PTPRN2: variants seen among roughly 807,000 people sequenced by gnomAD.
PTPRN2 encodes the protein protein tyrosine phosphatase receptor type N2, also known as receptor-type tyrosine-protein phosphatase N2.
PTPRN2 carries 74 observed loss-of-function variants against 118.8 expected under a neutral mutation model. The observed-to-expected ratio is 0.62, with a 90% CI of 0.52 to 0.76. The LOEUF is 0.76. PTPRN2 is among the 30% of genes least tolerant of loss of function. PTPRN2 has a pLI of 0.00. For missense variants in PTPRN2, 1,481 were observed against 1,394.4 expected, an observed-to-expected ratio of 1.06 and a Z score of -0.99; for synonymous variants, 641 against 608.0, an observed-to-expected ratio of 1.05 and a Z score of -0.80.
At chr7:158,559,548 C>T (rs866181383) in intron 1 of PTPRN2, among the ~76,000 whole-genome samples, 2 of 152,224 alleles carry the variant, frequency 1.3e-5, no homozygotes, top group Admixed American at 6.5e-5. Flanking sequence ...AGGCTGTTCA[C>T]TCAGCCTGAG....
intron 1 of PTPRN2, among the ~76,000 whole-genome samples, chr7:158,547,376 C>G (rs1338798297): frequency 6.6e-6 from 1 of 151,752 alleles, no homozygotes; most frequent in Non-Finnish European, 1.5e-5. Flanking sequence ...CCCCTGGCAC[C>G]CCCAATCCTA....
chr7:157,844,460 G>A (rs909148314), intron 12 of PTPRN2, among the ~76,000 whole-genome samples: 14 of 152,158 alleles, frequency 9.2e-5, no homozygotes, highest in Non-Finnish European at 2.1e-4. Context: ...GGAAGAAACC[G>A]GACATCTGGG....
intron 12 of PTPRN2, among the ~76,000 whole-genome samples, chr7:157,714,703 G>A (rs925432137): frequency 4.6e-5 from 7 of 152,070 alleles, no homozygotes; most frequent in Non-Finnish European, 8.8e-5. Flanking sequence ...CCAGTCCGAC[G>A]TGCTTCTCCT....
rs542876616 is a variant in PTPRN2 at position 157,948,933 on chromosome 7, G to A, written c.1724-50196C>T. 1.6e-4 allele frequency among the ~76,000 whole-genome samples: 25 copies of A among 152,172 alleles called. No homozygotes were observed. The South Asian group carries it at 2.9e-3, about 18-fold the overall frequency. On this transcript the variant is annotated intron_variant, in intron 11 of 22. Coordinates refer to ENST00000389418, the MANE Select transcript of PTPRN2 (RefSeq NM_002847.5). The stretch of plus-strand genomic sequence containing the variant: ...AATGTGAATTGAAAATATAGTACTC[G>A]TGGGATTCAAAACCCATGTATACGG...
chr7:158,420,696 C>T (rs1188052833), intron 2 of PTPRN2, among the ~76,000 whole-genome samples: 1 of 152,186 alleles, frequency 6.6e-6, no homozygotes, highest in East Asian at 1.9e-4. Context: ...TAGTGGGCTT[C>T]CCAGAAGATA....
At chr7:158,279,864 G>T (rs1799295002) in intron 3 of PTPRN2, among the ~76,000 whole-genome samples, 1 of 152,122 alleles carries the variant, frequency 6.6e-6, no homozygotes, top group African/African-American at 2.4e-5. Flanking sequence ...AGTGAGCGAG[G>T]GCTGCTAGCA....
rs1806635659 is a variant in PTPRN2, at chr7:158,340,955, CTGA to C, written c.164-24026_164-24024del. Among the ~76,000 whole-genome samples the C allele has an allele frequency of 4.7e-5, 4 of 84,560 alleles. 1 individual carries two copies. The highest frequency in any genetic ancestry group is 7.8e-5 in the Non-Finnish European group (3 of 38,314). 55.5% of individuals were successfully genotyped at this position (84,560 alleles called of 152,430 possible). On this transcript the variant is annotated intron_variant, in intron 2 of 22. Coordinates refer to ENST00000389418, the MANE Select transcript of PTPRN2 (RefSeq NM_002847.5). ...CACACTCACACTCTCACCATAAGAGCTGACGCCCGCAGATGTCACTCACACCCA... is the reference window on the plus strand; with the variant it reads ...CACACTCACACTCTCACCATAAGAGCCGCCCGCAGATGTCACTCACACCCA...
chr7:157,676,603 A>G lies in PTPRN2; in HGVS notation c.2001+6122T>C, dbSNP rs1796679683. On this transcript the variant is annotated intron_variant, in intron 13 of 22. Transcript: ENST00000389418. This position sits in a 1 kb window ranked among gnomAD's most constrained non-coding sequence, Gnocchi z 5.6. ...CCGGGCCAGCCCCTCAACACCCTGC[A>G]GTGGGGACAGCGCAGCTGGGGACCG... Among the ~76,000 whole-genome samples, 1 of 152,224 alleles carries G rather than the reference A, an allele frequency of 6.6e-6. No individual in the cohort carries two copies. The highest frequency in any genetic ancestry group is 1.5e-5 in the Non-Finnish European group (1 of 68,024).
At chr7:158,087,725 A>T (rs1468265273) in intron 10 of PTPRN2, among the ~76,000 whole-genome samples, 1 of 125,350 alleles carries the variant, frequency 8.0e-6, no homozygotes, top group African/African-American at 2.8e-5. Context: ...CTTCACACAA[A>T]CCTTCTTCCC....
chr7:157,895,750 C>G (rs985901537), intron 12 of PTPRN2, among the ~76,000 whole-genome samples: 17 of 152,092 alleles, frequency 1.1e-4, no homozygotes, highest in African/African-American at 3.9e-4. Flanking sequence ...AGGTCCAACC[C>G]TGCCTAATCA....
intron 1 of PTPRN2, among the ~76,000 whole-genome samples, chr7:158,569,625 G>A (rs984672603): frequency 6.6e-6 from 1 of 152,124 alleles, no homozygotes; most frequent in Non-Finnish European, 1.5e-5. Context: ...GGAGCGCGGG[G>A]CACAAGGCTG....
intron 14 of PTPRN2, among the ~76,000 whole-genome samples, chr7:157,643,240 A>G (rs1367227359): frequency 6.6e-6 from 1 of 152,212 alleles, no homozygotes; most frequent in African/African-American, 2.4e-5. Flanking sequence ...GGGTCAGAGA[A>G]TTTTTCCTTT....
At chr7:158,179,280 T>C (rs560678701) in intron 5 of PTPRN2, among the ~76,000 whole-genome samples, 9 of 152,314 alleles carry the variant, frequency 5.9e-5, no homozygotes, top group Admixed American at 1.3e-4. Context: ...TTTTTTCATA[T>C]GTTGTTGCCC....
At chr7:158,069,512 C>T (rs1050794787) in intron 11 of PTPRN2, among the ~76,000 whole-genome samples, 2 of 151,636 alleles carry the variant, frequency 1.3e-5, no homozygotes, top group Admixed American at 1.3e-4. Context: ...CCATTCTTTA[C>T]CCCCCAAAGT....
At position 157,674,935 on chromosome 7, in the gene PTPRN2, G is replaced by A. The variant is rs1009395678; in HGVS notation, c.2001+7790C>T. On this transcript the variant is annotated intron_variant, in intron 13 of 22. Coordinates refer to ENST00000389418, the MANE Select transcript of PTPRN2 (RefSeq NM_002847.5). The surrounding 1 kb of genome is among the most constrained non-coding windows in gnomAD (Gnocchi z 4.5). ...CAACGATGCCCTCCTCCCGAGGGAC[G>A]GTGGCCCCAAGGGGAGCCGGGAGAG... 1.2e-4 allele frequency among the ~76,000 whole-genome samples: 19 copies of A among 152,244 alleles called. No individual in the cohort carries two copies. The highest frequency in any genetic ancestry group is 8.5e-4 in the Admixed American group (13 of 15,302).
intron 22 of PTPRN2, among the ~76,000 whole-genome samples, chr7:157,541,825 A>G (rs1798027465): frequency 6.6e-6 from 1 of 152,248 alleles, no homozygotes; most frequent in Non-Finnish European, 1.5e-5. Flanking sequence ...GCTTGAACCG[A>G]GACATCAGAA....
At chr7:157,744,837 G>T (rs1424280212) in intron 12 of PTPRN2, among the ~76,000 whole-genome samples, 2 of 152,114 alleles carry the variant, frequency 1.3e-5, no homozygotes, top group Non-Finnish European at 1.5e-5. Context: ...AACAGAATGG[G>T]TTCAAAGGCC....
In PTPRN2 at chr7:157,787,906, C is replaced by T. The variant is rs531852855; in HGVS notation, c.1789-104969G>A. Among the ~76,000 whole-genome samples the T allele has an allele frequency of 3.0e-4, 46 of 152,208 alleles. No homozygotes were observed. Among genetic ancestry groups the T allele is most frequent in the Non-Finnish European group, 6.0e-4 (41 of 68,030 alleles). On this transcript the variant is annotated intron_variant, in intron 12 of 22. Coordinates refer to ENST00000389418, the MANE Select transcript of PTPRN2 (RefSeq NM_002847.5). This position sits in a 1 kb window ranked among gnomAD's most constrained non-coding sequence, Gnocchi z 5.3. ...GGATAAAAGCTGCTGGCAACATCGA[C>T]GTCCCCAAGACACTGACAGGCCTGG...
intron 12 of PTPRN2, among the ~76,000 whole-genome samples, chr7:157,788,869 T>C (rs967975801): frequency 1.3e-5 from 2 of 152,194 alleles, no homozygotes; most frequent in African/African-American, 2.4e-5. Context: ...ACATCTCTGC[T>C]ATGCTGGAGG....
Sources: gnomAD v4.1 joint callset for allele counts (sites outside exome capture counted in the v4.1 genomes callset) on GRCh38, gnomAD v4.1.1 for gene constraint, Gnocchi (gnomAD v3.1) non-coding constraint, MANE v1.5 for transcripts, NCBI Gene and HGNC (gene_info 2026-07-23, HGNC 2026-07-21) for gene names.